Variants in CADM2 observed in about 807,000 individuals in gnomAD.
The protein encoded by CADM2 is cell adhesion molecule 2, also known as immunoglobulin superfamily member 4D.
In CADM2, 12 loss-of-function variants were observed where a neutral mutation model predicts 49.8. That is an observed-to-expected ratio of 0.24 (90% CI 0.15 to 0.39). CADM2 has a LOEUF of 0.39. Among genes scored for constraint, CADM2 ranks in the 10% least tolerant of loss-of-function variants. CADM2 has a pLI of 1.00. For missense variants in CADM2, 378 were observed against 492.3 expected (o/e 0.77, Z 2.20); for synonymous variants, 214 against 175.4 (o/e 1.22, Z -1.74).
At chr3:85,539,736 A>G (rs766497438) in intron 1 of CADM2, among the ~76,000 whole-genome samples, 1 of 152,134 alleles carries the variant, frequency 6.6e-6, no homozygotes, top group Non-Finnish European at 1.5e-5. Flanking sequence ...ATAATTAAAG[A>G]TAAACCATGT....
intron 1 of CADM2, among the ~76,000 whole-genome samples, chr3:85,696,267 T>C (rs1253120128): frequency 6.6e-6 from 1 of 152,152 alleles, no homozygotes; most frequent in Non-Finnish European, 1.5e-5. Flanking sequence ...CTTTTTAGTT[T>C]AATTAAGTCC....
intron 1 of CADM2, among the ~76,000 whole-genome samples, chr3:85,315,924 T>C (rs895659015): frequency 6.6e-6 from 1 of 152,172 alleles, no homozygotes; most frequent in Non-Finnish European, 1.5e-5. Flanking sequence ...CACGCCTATG[T>C]GTATTATTAA....
At chr3:84,973,309 C>T (rs1201706188) in intron 1 of CADM2, among the ~76,000 whole-genome samples, 1 of 152,114 alleles carries the variant, frequency 6.6e-6, no homozygotes, top group African/African-American at 2.4e-5. Flanking sequence ...GATGTGAAAT[C>T]ACTGCTTTAC....
chr3:85,857,426 C>CT (rs2075359187), intron 3 of CADM2, among the ~76,000 whole-genome samples: 1 of 152,160 alleles, frequency 6.6e-6, no homozygotes, highest in Non-Finnish European at 1.5e-5. Flanking sequence ...TTAGAGAATA[C>CT]TTATGGCAGA....
At chr3:85,008,506 T>C (rs931683491) in intron 1 of CADM2, among the ~76,000 whole-genome samples, 1 of 152,112 alleles carries the variant, frequency 6.6e-6, no homozygotes, top group Non-Finnish European at 1.5e-5. Flanking sequence ...CTTGACAAGA[T>C]TGTAAACTTC....
chr3:85,008,970 T>C (rs1559614314), intron 1 of CADM2, among the ~76,000 whole-genome samples: 1 of 152,152 alleles, frequency 6.6e-6, no homozygotes, highest in Admixed American at 6.5e-5. Flanking sequence ...GAAAAGTGAA[T>C]ATAAAGGTAC....
At chr3:85,779,981 G>T (rs886949119) in intron 2 of CADM2, among the ~76,000 whole-genome samples, 3 of 152,034 alleles carry the variant, frequency 2.0e-5, no homozygotes, top group African/African-American at 7.2e-5. Context: ...ACATCTAGTG[G>T]TCCAATTGGA....
At chr3:85,104,645 A>G (rs1047284661) in intron 1 of CADM2, among the ~76,000 whole-genome samples, 11 of 152,156 alleles carry the variant, frequency 7.2e-5, no homozygotes, top group African/African-American at 2.7e-4. Flanking sequence ...CATTGAATCT[A>G]TAAATTAACT....
intron 1 of CADM2, among the ~76,000 whole-genome samples, chr3:85,114,258 C>T (rs948645515): frequency 1.3e-5 from 2 of 151,796 alleles, no homozygotes; most frequent in Admixed American, 6.6e-5. Flanking sequence ...TAGAGAAAAC[C>T]CCCATGGGCT....
At chr3:85,991,423 G>A (rs1728757649) in intron 8 of CADM2, among the ~76,000 whole-genome samples, 1 of 152,136 alleles carries the variant, frequency 6.6e-6, no homozygotes, top group African/African-American at 2.4e-5. Flanking sequence ...GAATTGCATT[G>A]TAATTCTTAA....
chr3:85,969,064 C>T (rs1386904436), intron 8 of CADM2, among the ~76,000 whole-genome samples: 2 of 151,534 alleles, frequency 1.3e-5, no homozygotes, highest in Non-Finnish European at 3.0e-5. Context: ...TCTCCATCAT[C>T]CTCTCTGGCT....
intron 1 of CADM2, among the ~76,000 whole-genome samples, chr3:85,311,380 T>A (rs2107049539): frequency 6.7e-6 from 1 of 149,270 alleles, no homozygotes; most frequent in Non-Finnish European, 1.5e-5. Context: ...ATTATTATTA[T>A]TATTATTTTT....
chr3:85,572,581 T>C (rs1302512760), intron 1 of CADM2, among the ~76,000 whole-genome samples: 2 of 152,074 alleles, frequency 1.3e-5, no homozygotes, highest in Non-Finnish European at 1.5e-5. Flanking sequence ...GGGATGCTTG[T>C]TATTTGTCTT....
intron 1 of CADM2, among the ~76,000 whole-genome samples, chr3:85,569,732 A>G (rs1021171828): frequency 6.6e-6 from 1 of 151,740 alleles, no homozygotes; most frequent in Non-Finnish European, 1.5e-5. Flanking sequence ...AAAAGAAAAT[A>G]GAATGAAATG....
At chr3:85,051,241 A>G (rs1293665570) in intron 1 of CADM2, among the ~76,000 whole-genome samples, 3 of 152,202 alleles carry the variant, frequency 2.0e-5, no homozygotes, top group African/African-American at 7.2e-5. Flanking sequence ...TCAGCCCCAA[A>G]AGATTTTATC....
intron 1 of CADM2, among the ~76,000 whole-genome samples, chr3:85,157,253 G>A (rs1256885257): frequency 6.6e-6 from 1 of 151,398 alleles, no homozygotes; most frequent in Non-Finnish European, 1.5e-5. Flanking sequence ...TCGTGAAAAT[G>A]GCCATACTGC....
chr3:85,320,680 G>A (rs1476160086), intron 1 of CADM2, among the ~76,000 whole-genome samples: 1 of 152,112 alleles, frequency 6.6e-6, no homozygotes, highest in African/African-American at 2.4e-5. Context: ...AAGTATTAAT[G>A]CCTTGTCTTT....
At position 85,767,955 on chromosome 3, in the gene CADM2, A is replaced by G. The variant is rs1483940494; in HGVS notation, c.89-34092A>G. 2.0e-5 allele frequency among the ~76,000 whole-genome samples: 3 copies of G among 152,186 alleles called. No homozygotes were observed. The East Asian group carries it at 5.8e-4, about 29-fold the overall frequency. ...TTGTACAACAGATTTATTAAAATCT[A>G]TACAACAAAGATAGTAAATTATCAT... On this transcript the variant is annotated intron_variant, in intron 2 of 9. Transcript: ENST00000383699.
intron 1 of CADM2, among the ~76,000 whole-genome samples, chr3:85,230,695 T>C (rs1040272662): frequency 2.0e-5 from 3 of 152,218 alleles, no homozygotes; most frequent in African/African-American, 7.2e-5. Flanking sequence ...TCTCAGATAC[T>C]GCTTGTATAA....
Sources: allele counts gnomAD v4.1 joint callset (sites outside exome capture counted in the v4.1 genomes callset), GRCh38; gene constraint gnomAD v4.1.1; transcripts MANE v1.5; gene names NCBI Gene and HGNC (gene_info 2026-07-23, HGNC 2026-07-21).